GAS2L3: variants seen among roughly 807,000 people sequenced by gnomAD.
GAS2L3 encodes the protein growth arrest specific 2 like 3, also known as GAS2-like protein 3.
GAS2L3 carries 28 observed loss-of-function variants against 37.0 expected under a neutral mutation model. That is an observed-to-expected ratio of 0.76 (90% CI 0.56 to 1.04). The LOEUF (loss-of-function observed/expected upper bound fraction) is 1.04. Among genes scored for constraint, GAS2L3 ranks in the 50% least tolerant of loss-of-function variants. GAS2L3 has a pLI of 0.00. For missense variants in GAS2L3, 793 were observed against 817.6 expected, an observed-to-expected ratio of 0.97 and a Z score of 0.37; for synonymous variants, 290 against 296.6, an observed-to-expected ratio of 0.98 and a Z score of 0.23.
At chr12:100,578,899 CATTT>C (rs1955671737) in intron 1 of GAS2L3, 1 of 862,394 alleles carries the variant, frequency 1.2e-6, no homozygotes. Context: ...TGGAAAGCCA[CATTT>C]ACCAGCTCCC....
In GAS2L3 at chr12:100,618,481, T is replaced by C; in HGVS notation, c.542T>C (p.Leu181Pro). The C allele has an allele frequency of 6.2e-7, 1 of 1,611,728 alleles. No homozygotes were observed. Among genetic ancestry groups the C allele is most frequent in the Non-Finnish European group, 8.5e-7 (1 of 1,179,012 alleles). Residue 181 changes from leucine (L) to proline (P), a missense_variant, in exon 8 of 10, where the codon CTT becomes CCT. Coordinates refer to ENST00000547754, the MANE Select transcript of GAS2L3 (RefSeq NM_174942.3). ...GTTGAGCCACCAGTGTTAGTAAAAC[T>C]TGAGAAAGAAATTGAGTTAGAAGAG... The part of the protein sequence containing the change: ...YGVEPPVLVK[L>P]EKEIELEETL...
At position 100,585,026 on chromosome 12, in the gene GAS2L3, C is replaced by T. The variant is rs185262289; in HGVS notation, c.-151-6710C>T. Among the ~76,000 whole-genome samples, 1,224 of 144,090 alleles carry T rather than the reference C, an allele frequency of 8.5e-3. 19 individuals are homozygous for T. The highest frequency in any genetic ancestry group is 0.027 in the African/African-American group (1,049 of 38,826). 94.5% of individuals were successfully genotyped at this position (144,090 alleles called of 152,430 possible). On this transcript the variant is annotated intron_variant, in intron 1 of 9. Coordinates refer to ENST00000547754, the MANE Select transcript of GAS2L3 (RefSeq NM_174942.3). Reference sequence around the variant, plus strand: ...GCCTGAGCCTCCCAAGTAGCTGGGACTACAGGCACCCGCCACCACACCTGG... The same window carrying T: ...GCCTGAGCCTCCCAAGTAGCTGGGATTACAGGCACCCGCCACCACACCTGG...
intron 5 of GAS2L3, 132 bp from the exon 6 acceptor site, chr12:100,611,867 AT>A: frequency 1.5e-6 from 1 of 656,650 alleles, no homozygotes; most frequent in South Asian, 2.0e-5. Flanking sequence ...TTTCAAAACT[AT>A]CTTTTTTCTC....
intron 5 of GAS2L3, among the ~76,000 whole-genome samples, chr12:100,606,609 T>C (rs1182965713): frequency 6.6e-6 from 1 of 152,092 alleles, no homozygotes; most frequent in Non-Finnish European, 1.5e-5. Flanking sequence ...TGATTTTCTC[T>C]GGTGGTATGC....
intron 2 of GAS2L3, among the ~76,000 whole-genome samples, chr12:100,593,295 G>T (rs978561319): frequency 1.3e-5 from 2 of 151,994 alleles, no homozygotes; most frequent in Non-Finnish European, 2.9e-5. Flanking sequence ...ATTTTTTAAA[G>T]AATTTGTTTT....
intron 1 of GAS2L3, chr12:100,578,915 C>A (rs1955672037): frequency 3.4e-6 from 3 of 894,300 alleles, no homozygotes; most frequent in Non-Finnish European, 5.6e-6. Flanking sequence ...CCAGCTCCCT[C>A]AGTGCCTGAT....
intron 5 of GAS2L3, among the ~76,000 whole-genome samples, chr12:100,604,750 A>G (rs1956036315): frequency 6.6e-6 from 1 of 151,910 alleles, no homozygotes; most frequent in Non-Finnish European, 1.5e-5. Flanking sequence ...TATGGCTTTT[A>G]TTATGCTGAG....
At chr12:100,611,790 C>T (rs893807159) in intron 5 of GAS2L3, among the ~76,000 whole-genome samples, 1 of 152,202 alleles carries the variant, frequency 6.6e-6, no homozygotes, top group East Asian at 1.9e-4. Context: ...TGCTAACAGG[C>T]CACAGACCGG....
At chr12:100,594,778 C>T (rs935680421) in intron 2 of GAS2L3, 97 bp from the exon 3 acceptor site, 8 of 405,452 alleles carry the variant, frequency 2.0e-5, no homozygotes, top group African/African-American at 6.2e-5. Flanking sequence ...CGTTTGCAGT[C>T]GAGTAAACAC....
rs1956343191 is a variant in GAS2L3 at position 100,627,461 on chromosome 12, G to A, written c.*2571G>A. 1 of 152,058 alleles carries A rather than the reference G, an allele frequency of 6.6e-6. No homozygotes were observed. The highest frequency in any genetic ancestry group is 2.4e-5 in the African/African-American group (1 of 41,402). 9.4% of individuals were successfully genotyped at this position (152,058 alleles called of 1,614,324 possible). On this transcript the variant is annotated 3_prime_UTR_variant, in exon 10 of 10. Coordinates refer to ENST00000547754, the MANE Select transcript of GAS2L3 (RefSeq NM_174942.3). The stretch of plus-strand genomic sequence containing the variant: ...AGCTAATTTTTTTGTATTTTCAGTA[G>A]AGATGGGGGTTTCACCATGTCGGCC...
chr12:100,607,495 C>T (rs73381938), intron 5 of GAS2L3, among the ~76,000 whole-genome samples: 2,731 of 152,164 alleles, frequency 0.018, 90 homozygotes, highest in African/African-American at 0.062. Flanking sequence ...GATAATACCC[C>T]TTTGAATAAA....
intron 1 of GAS2L3, chr12:100,579,685 G>A: frequency 1.3e-6 from 1 of 777,862 alleles, no homozygotes; most frequent in South Asian, 1.4e-5. Flanking sequence ...GAAGCATTCT[G>A]CATGGCGATC....
chr12:100,623,489 G>T, intron 9 of GAS2L3, 73 bp from the exon 10 acceptor site: 1 of 1,365,286 alleles, frequency 7.3e-7, no homozygotes, highest in South Asian at 1.5e-5. Context: ...ATCACATATT[G>T]TAACTGCTAA....
intron 4 of GAS2L3, among the ~76,000 whole-genome samples, chr12:100,601,290 G>C (rs1260027558): frequency 6.6e-6 from 1 of 151,960 alleles, no homozygotes. Flanking sequence ...CTGGGTATTT[G>C]TTATGGTATT....
chr12:100,625,865 C>T lies in GAS2L3; in HGVS notation c.*975C>T, dbSNP rs1956327074. 2 of 152,012 alleles carry T rather than the reference C, an allele frequency of 1.3e-5. No homozygotes were observed. The highest frequency in any genetic ancestry group is 4.8e-5 in the African/African-American group (2 of 41,396). The allele number at this position is 152,012 out of a possible 1,614,324, so 9.4% of individuals were successfully genotyped here. A position where few individuals can be genotyped will look rare whatever the true frequency, so the allele number is the denominator to read the frequency against. On this transcript the variant is annotated 3_prime_UTR_variant, in exon 10 of 10. Coordinates refer to ENST00000547754, the MANE Select transcript of GAS2L3 (RefSeq NM_174942.3). ...AAAATTCTATCATGAAATTATTTTT[C>T]TCTAGATAGCACAATACCAATTTTA...
At chr12:100,597,491 A>G (rs1345446311) in intron 3 of GAS2L3, among the ~76,000 whole-genome samples, 1 of 152,138 alleles carries the variant, frequency 6.6e-6, no homozygotes, top group African/African-American at 2.4e-5. Context: ...AATAAATAAC[A>G]TCATTTTCCT....
At chr12:100,596,079 T>G (rs984562336) in intron 3 of GAS2L3, among the ~76,000 whole-genome samples, 4 of 152,020 alleles carry the variant, frequency 2.6e-5, no homozygotes, top group African/African-American at 9.7e-5. Flanking sequence ...TCTGCAGCTG[T>G]AGTCTCCTAC....
chr12:100,576,321 T>A (rs1955636160), intron 1 of GAS2L3, among the ~76,000 whole-genome samples: 2 of 152,214 alleles, frequency 1.3e-5, no homozygotes, highest in Admixed American at 6.5e-5. Flanking sequence ...TTGGATAGAT[T>A]ACTAAAGAGC....
intron 1 of GAS2L3, among the ~76,000 whole-genome samples, chr12:100,590,854 T>C (rs922735851): frequency 6.6e-6 from 1 of 152,054 alleles, no homozygotes; most frequent in Non-Finnish European, 1.5e-5. Flanking sequence ...CATTGTGTGT[T>C]CTCACTGATA....
Sources: allele counts gnomAD v4.1 joint callset (sites outside exome capture counted in the v4.1 genomes callset), GRCh38; gene constraint gnomAD v4.1.1; transcripts MANE v1.5; gene names NCBI Gene and HGNC (gene_info 2026-07-23, HGNC 2026-07-21).